Variants in PRIM2 observed in about 807,000 individuals in gnomAD.
PRIM2 encodes DNA primase subunit 2.
PRIM2 carries 39 observed loss-of-function variants against 67.3 expected under a neutral mutation model. That is an observed-to-expected ratio of 0.58 (90% confidence interval 0.45 to 0.76). The LOEUF is 0.76. PRIM2 is among the 30% of genes least tolerant of loss of function. The probability of loss-of-function intolerance (pLI) is 0.00; values close to 1 mark genes in which losing one functional copy is unlikely to be tolerated. For synonymous variants in PRIM2, 143 were observed against 198.7 expected, an observed-to-expected ratio of 0.72 and a Z score of 2.36; for missense variants, 398 against 598.7, an observed-to-expected ratio of 0.66 and a Z score of 3.50.
At chr6:57,634,712 G>C (rs1321257113) in intron 13 of PRIM2, among the ~76,000 whole-genome samples, 7 of 152,244 alleles carry the variant, frequency 4.6e-5, no homozygotes, top group Non-Finnish European at 2.9e-5. Flanking sequence ...AAAGTAAGGA[G>C]TGGTTTTTAT....
At chr6:57,614,973 G>A (rs1222847594) in intron 12 of PRIM2, among the ~76,000 whole-genome samples, 2 of 152,290 alleles carry the variant, frequency 1.3e-5, no homozygotes, top group African/African-American at 4.8e-5. Flanking sequence ...TTTGGGTATT[G>A]TATCTATCTA....
intron 5 of PRIM2, among the ~76,000 whole-genome samples, chr6:57,342,131 C>T (rs1768513965): frequency 6.6e-6 from 1 of 152,096 alleles, no homozygotes; most frequent in African/African-American, 2.4e-5. Flanking sequence ...CTGACTTGGG[C>T]AGTGCATTGA....
intron 10 of PRIM2, among the ~76,000 whole-genome samples, chr6:57,593,531 G>A (rs1776317872): frequency 6.6e-6 from 1 of 152,134 alleles, no homozygotes; most frequent in Non-Finnish European, 1.5e-5. Context: ...TCGAACTCCT[G>A]ACCTCAAGTG....
At chr6:57,275,737 T>C in the PRIM2 span, among the ~76,000 whole-genome samples, 1 of 152,224 alleles carries the variant, frequency 6.6e-6, no homozygotes, top group Non-Finnish European at 1.5e-5. Flanking sequence ...CATTGAGTTC[T>C]TGGGCCTACA....
intron 5 of PRIM2, among the ~76,000 whole-genome samples, chr6:57,338,990 A>G (rs1562701807): frequency 6.6e-6 from 1 of 152,246 alleles, no homozygotes; most frequent in African/African-American, 2.4e-5. Flanking sequence ...TTAAGCTGAT[A>G]AGCAACTTCA....
Position 57,537,494 on chromosome 6 carries a change from GA to G in PRIM2, c.893del (p.Asn298IlefsTer16). On this transcript the variant is annotated frameshift_variant, in exon 10 of 14. Transcript: ENST00000615550. LOFTEE classifies it high-confidence loss of function. ...CMRQLHKALR[E>X]NHHLRHGGRM... is the part of the protein sequence containing the mutation. The stretch of plus-strand genomic sequence containing the variant: ...GCGTCAGTTACATAAAGCCTTGCGG[GA>G]AAATCACCATCTTCGTCATGGAGGC... 1 of 1,544,312 alleles carries G rather than the reference GA, an allele frequency of 6.5e-7. No individual in the cohort carries two copies.
At chr6:57,345,150 A>G (rs1267386889) in intron 5 of PRIM2, among the ~76,000 whole-genome samples, 1 of 145,388 alleles carries the variant, frequency 6.9e-6, no homozygotes, top group Non-Finnish European at 1.5e-5. Context: ...ATATATATCT[A>G]TTTCAATTTT....
chr6:57,327,675 T>G (rs1002408430), intron 5 of PRIM2, among the ~76,000 whole-genome samples: 14 of 152,240 alleles, frequency 9.2e-5, no homozygotes, highest in African/African-American at 3.1e-4. Context: ...TTATTGCAAT[T>G]ATCAATTACA....
chr6:57,265,527 C>T, the PRIM2 span, among the ~76,000 whole-genome samples: 15 of 152,156 alleles, frequency 9.9e-5, no homozygotes, highest in Admixed American at 9.8e-4. Context: ...GGTAGACGCT[C>T]AACCACTTAC....
chr6:57,627,046 C>A (rs1282843756), intron 12 of PRIM2, among the ~76,000 whole-genome samples: 1 of 151,202 alleles, frequency 6.6e-6, no homozygotes, highest in African/African-American at 2.4e-5. Context: ...TTTTGGAGAC[C>A]GAGGCTGGTG....
At chr6:57,398,074 C>T (rs752645383) in intron 7 of PRIM2, among the ~76,000 whole-genome samples, 1 of 151,698 alleles carries the variant, frequency 6.6e-6, no homozygotes, top group Non-Finnish European at 1.5e-5. Context: ...ATTCTCCTAC[C>T]TCAGCCTTCT....
chr6:57,621,775 G>C (rs1270330333), intron 12 of PRIM2, among the ~76,000 whole-genome samples: 1 of 152,040 alleles, frequency 6.6e-6, no homozygotes, highest in Non-Finnish European at 1.5e-5. Context: ...ACCTTAGCTC[G>C]TGTTCATTCT....
chr6:57,293,241 A>C, the PRIM2 span, among the ~76,000 whole-genome samples: 1 of 152,272 alleles, frequency 6.6e-6, no homozygotes, highest in Non-Finnish European at 1.5e-5. Flanking sequence ...AGAAATACTC[A>C]TCGTCACTGC....
At chr6:57,258,744 A>G in the PRIM2 span, among the ~76,000 whole-genome samples, 1 of 152,086 alleles carries the variant, frequency 6.6e-6, no homozygotes, top group Non-Finnish European at 1.5e-5. Flanking sequence ...ATCTGATATT[A>G]TCTTTGGCTC....
chr6:57,542,609 A>T (rs1361918070), intron 10 of PRIM2, among the ~76,000 whole-genome samples: 4 of 152,044 alleles, frequency 2.6e-5, no homozygotes, highest in African/African-American at 7.2e-5. Context: ...AAAATAAATA[A>T]TTTTTTAGTT....
chr6:57,408,712 ATGT>A lies in PRIM2; in HGVS notation c.693+26555_693+26557del, dbSNP rs200993787. 9.8e-3 allele frequency among the ~76,000 whole-genome samples: 1,491 copies of A among 152,126 alleles called. 26 individuals carry two copies. The highest frequency in any genetic ancestry group is 0.033 in the African/African-American group (1,354 of 41,458). On this transcript the variant is annotated intron_variant, in intron 7 of 13. Coordinates refer to ENST00000615550, the MANE Select transcript of PRIM2 (RefSeq NM_000947.5). Reference sequence around the variant, plus strand: ...TGCATTGTGCTTTCGACATTCATCTATGTTGTTGTTGTTTTTAGAGGTAGGGTC... The same window carrying A: ...TGCATTGTGCTTTCGACATTCATCTATGTTGTTGTTTTTAGAGGTAGGGTC...
intron 12 of PRIM2, among the ~76,000 whole-genome samples, chr6:57,615,578 A>G (rs1217263483): frequency 6.6e-6 from 1 of 152,144 alleles, no homozygotes; most frequent in Admixed American, 6.5e-5. Flanking sequence ...TGGACTTATA[A>G]TGGTGTGCTA....
At chr6:57,594,032 C>T (rs1480113409) in intron 10 of PRIM2, among the ~76,000 whole-genome samples, 27 of 152,194 alleles carry the variant, frequency 1.8e-4, no homozygotes, top group African/African-American at 2.9e-4. Context: ...TCAATTCTTA[C>T]CTAAAAGTTT....
chr6:57,547,568 T>G (rs1264238748), intron 10 of PRIM2, among the ~76,000 whole-genome samples: 5 of 152,384 alleles, frequency 3.3e-5, no homozygotes, highest in Admixed American at 2.6e-4. Flanking sequence ...CTAGCTTTGT[T>G]AAGTATTACA....
Sources: allele counts gnomAD v4.1 joint callset (sites outside exome capture counted in the v4.1 genomes callset), GRCh38; gene constraint gnomAD v4.1.1; transcripts MANE v1.5; gene names NCBI Gene and HGNC (gene_info 2026-07-23, HGNC 2026-07-21).